Variants in PARP4 observed in about 807,000 individuals in gnomAD.
The protein encoded by PARP4 is poly(ADP-ribose) polymerase family member 4, also known as protein mono-ADP-ribosyltransferase PARP4.
PARP4 carries 120 observed loss-of-function variants against 187.7 expected under a neutral mutation model. The ratio of observed to expected loss-of-function variants is 0.64; its 90% CI spans 0.55 to 0.74. PARP4 has a LOEUF of 0.74. PARP4 is among the 30% of genes least tolerant of loss of function. PARP4 has a pLI of 0.00. For missense variants in PARP4, 1,836 were observed against 2,070.5 expected (o/e 0.89, Z 2.20); for synonymous variants, 654 against 740.9 (o/e 0.88, Z 1.90).
At chr13:24,487,079 G>A (rs1337940827) in intron 10 of PARP4, among the ~76,000 whole-genome samples, 1 of 149,648 alleles carries the variant, frequency 6.7e-6, no homozygotes, top group East Asian at 2.0e-4. Context: ...AGCCAACATG[G>A]TGAAACCTCG....
Position 24,480,993 on chromosome 13 carries a change from T to C in PARP4, c.1449-2717A>G, listed in dbSNP as rs572600697. ...CCACAGCCGGAGAGAAGTCAATGGC[T>C]GGCTGCAAAGCTTCAGACGACAGGC... On this transcript the variant is annotated intron_variant, in intron 12 of 33. Coordinates refer to ENST00000381989, the MANE Select transcript of PARP4 (RefSeq NM_006437.4). 2.0e-5 allele frequency among the ~76,000 whole-genome samples: 3 copies of C among 152,376 alleles called. No homozygotes were observed. In the East Asian group the frequency reaches 5.8e-4, roughly 29 times the overall value.
chr13:24,453,543 G>T, intron 23 of PARP4, 44 bp downstream of exon 23: 1 of 1,212,082 alleles, frequency 8.3e-7, no homozygotes, highest in African/African-American at 1.5e-5. Flanking sequence ...CTTAAAGCAT[G>T]GTAGGAAAAG....
At chr13:24,449,684 C>A in intron 25 of PARP4, 34 bp downstream of exon 25, 1 of 1,129,448 alleles carries the variant, frequency 8.9e-7, no homozygotes, top group Non-Finnish European at 1.3e-6. Context: ...GATTTCCAAA[C>A]ATAAATATAA....
chr13:24,452,608 G>A lies in PARP4; in HGVS notation c.2827-15C>T, dbSNP rs756108873. The A allele has an allele frequency of 6.2e-7, 1 of 1,602,666 alleles. No individual in the cohort carries two copies. Among genetic ancestry groups the A allele is most frequent in the Non-Finnish European group, 8.5e-7 (1 of 1,173,194 alleles). ...GGTGTGGCAGACTGGAGGAAATGAA[G>A]TGAAAGATTATGTTCTCCTTGTTGG... is the stretch of plus-strand genomic sequence containing the variant. On this transcript the variant is annotated splice_polypyrimidine_tract_variant and intron_variant, in intron 23 of 33. Transcript: ENST00000381989.
chr13:24,456,507 T>C, intron 20 of PARP4, 29 bp from the exon 21 acceptor site: 1 of 1,579,184 alleles, frequency 6.3e-7, no homozygotes, highest in South Asian at 1.1e-5. Flanking sequence ...GACAACAAGG[T>C]GAGTAATGGA....
At chr13:24,471,715 G>T (rs1872735062) in intron 15 of PARP4, among the ~76,000 whole-genome samples, 1 of 152,136 alleles carries the variant, frequency 6.6e-6, no homozygotes, top group African/African-American at 2.4e-5. Context: ...AACTTCCCCA[G>T]GGAACAGGCC....
At chr13:24,475,925 T>C (rs776684148) in intron 14 of PARP4, among the ~76,000 whole-genome samples, 6 of 151,986 alleles carry the variant, frequency 3.9e-5, no homozygotes, top group Non-Finnish European at 8.8e-5. Flanking sequence ...GCTGGGACTA[T>C]AGGCATGCAC....
chr13:24,476,979 G>A (rs867345646), intron 14 of PARP4, among the ~76,000 whole-genome samples: 7 of 152,156 alleles, frequency 4.6e-5, no homozygotes, highest in Middle Eastern at 3.2e-3. Context: ...GTGGCAGGGC[G>A]ACACTCAAAC....
chr13:24,453,232 A>C (rs1158257134), intron 23 of PARP4, among the ~76,000 whole-genome samples: 2 of 149,998 alleles, frequency 1.3e-5, no homozygotes, highest in Admixed American at 6.6e-5. Flanking sequence ...CACCACACCC[A>C]GCATTTCTTT....
At chr13:24,493,020 T>G (rs1288279712) in intron 8 of PARP4, among the ~76,000 whole-genome samples, 1 of 152,254 alleles carries the variant, frequency 6.6e-6, no homozygotes, top group African/African-American at 2.4e-5. Flanking sequence ...AGTTAGCCAT[T>G]TTCTCCTTGA....
chr13:24,433,446 T>C (rs1870449507), intron 31 of PARP4, among the ~76,000 whole-genome samples: 1 of 152,164 alleles, frequency 6.6e-6, no homozygotes, highest in Non-Finnish European at 1.5e-5. Flanking sequence ...TTGGGTCTGA[T>C]CACCCCAACA....
In PARP4 at chr13:24,479,777, G is replaced by A. The variant is rs538099872; in HGVS notation, c.1449-1501C>T. On this transcript the variant is annotated intron_variant, in intron 12 of 33. Coordinates refer to ENST00000381989, the MANE Select transcript of PARP4 (RefSeq NM_006437.4). ...CTGCCCCAGCCAGCAGTGGCAACCC[G>A]CTCTGGTCCTCTTCCGCACTGTGGA... Among the ~76,000 whole-genome samples the A allele has an allele frequency of 2.6e-4, 40 of 152,302 alleles. No homozygotes were observed. In the South Asian group the frequency reaches 7.5e-3, roughly 28 times the overall value.
At chr13:24,430,278 A>G (rs1933821498) in intron 32 of PARP4, among the ~76,000 whole-genome samples, 1 of 152,060 alleles carries the variant, frequency 6.6e-6, no homozygotes, top group Non-Finnish European at 1.5e-5. Context: ...TTTAGAGGTG[A>G]TGGTGGGGCA....
chr13:24,471,972 G>A lies in PARP4; in HGVS notation c.1915-1947C>T, dbSNP rs533294707. Among the ~76,000 whole-genome samples, 8 of 152,280 alleles carry A rather than the reference G, an allele frequency of 5.3e-5. No individual in the cohort carries two copies. In the East Asian group the frequency reaches 1.5e-3, roughly 29 times the overall value. ...TTTCCCAAACTCACAGCACTAGAAA[G>A]AATAAACAAGAATTCAAAGCTAAGC... On this transcript the variant is annotated intron_variant, in intron 15 of 33. Transcript: ENST00000381989.
At chr13:24,462,971 A>G (rs1324695086) in intron 17 of PARP4, among the ~76,000 whole-genome samples, 1 of 152,208 alleles carries the variant, frequency 6.6e-6, no homozygotes, top group Non-Finnish European at 1.5e-5. Flanking sequence ...GGGAGAAGAA[A>G]TATTTCAATA....
rs369588894 is a variant in PARP4 at position 24,484,716 on chromosome 13, C to T, written c.1385G>A (p.Arg462His). Reference protein sequence around the residue: ...GLLLPKVVEDRGVQRTDVGNL... With the variant: ...GLLLPKVVEDHGVQRTDVGNL... The stretch of plus-strand genomic sequence containing the variant: ...TCCGACGTCTGTTCTTTGCACACCA[C>T]GATCTTCCACTACTTTGGGTAAAAG... The change falls in exon 12 of 34, where the codon CGT (arginine) becomes CAT (histidine). Residue 462 changes from arginine to histidine, a missense_variant. Transcript: ENST00000381989. 5.1e-5 allele frequency: 82 copies of T among 1,609,004 alleles called. No individual in the cohort carries two copies. The African/African-American group carries it at 6.5e-4, about 13-fold the overall frequency.
At position 24,454,786 on chromosome 13, in the gene PARP4, G is replaced by A. The variant is rs184882132; in HGVS notation, c.2758+231C>T. Among the ~76,000 whole-genome samples the A allele has an allele frequency of 7.9e-5, 12 of 152,248 alleles. No homozygotes were observed. In the East Asian group the frequency reaches 2.3e-3, roughly 29 times the overall value. On this transcript the variant is annotated intron_variant, in intron 22 of 33. Coordinates refer to ENST00000381989, the MANE Select transcript of PARP4 (RefSeq NM_006437.4). The stretch of plus-strand genomic sequence containing the variant: ...ATCCTCAGATCGCAGATGAGGAAAC[G>A]GAGGCACCAGAAGTTCAAGTAGTGC...
intron 32 of PARP4, among the ~76,000 whole-genome samples, chr13:24,429,246 T>A (rs1449053093): frequency 1.3e-5 from 2 of 152,230 alleles, no homozygotes; most frequent in Non-Finnish European, 2.9e-5. Context: ...GGTAAGTCAA[T>A]CCTTCACTAT....
intron 1 of PARP4, among the ~76,000 whole-genome samples, chr13:24,506,969 G>T (rs1317809159): frequency 2.6e-5 from 4 of 152,228 alleles, no homozygotes; most frequent in African/African-American, 9.6e-5. Context: ...GGCAGCTAAG[G>T]CTCCACGAGA....
Sources: gnomAD v4.1 joint callset for allele counts (sites outside exome capture counted in the v4.1 genomes callset) on GRCh38, gnomAD v4.1.1 for gene constraint, MANE v1.5 for transcripts, NCBI Gene and HGNC (gene_info 2026-07-23, HGNC 2026-07-21) for gene names.